ABLIM2: variants seen among roughly 807,000 people sequenced by gnomAD.
ABLIM2 encodes the protein actin binding LIM protein family member 2.
A neutral mutation model predicts 97.7 loss-of-function variants in ABLIM2; 53 were observed. The observed-to-expected ratio is 0.54, with a 90% confidence interval of 0.44 to 0.68. The LOEUF is 0.68. ABLIM2 is among the 30% of genes least tolerant of loss of function. ABLIM2 has a pLI of 0.00. For synonymous variants in ABLIM2, 361 were observed against 345.8 expected (o/e 1.04, Z -0.49); for missense variants, 835 against 867.2 (o/e 0.96, Z 0.47).
chr4:8,025,643 G>A (rs76647829), intron 12 of ABLIM2, among the ~76,000 whole-genome samples: 4 of 152,330 alleles, frequency 2.6e-5, no homozygotes, highest in Admixed American at 2.6e-4. Flanking sequence ...GGGCAGAGGA[G>A]GGGAGGGTCG....
chr4:8,158,246 G>T (rs1386074823), intron 1 of ABLIM2, among the ~76,000 whole-genome samples: 1 of 152,202 alleles, frequency 6.6e-6, no homozygotes, highest in Non-Finnish European at 1.5e-5. Flanking sequence ...CCAGAGCGGC[G>T]CAAGGGCGGC....
intron 12 of ABLIM2, among the ~76,000 whole-genome samples, chr4:8,025,075 G>GCC (rs1349473814): frequency 1.3e-5 from 2 of 152,144 alleles, no homozygotes; most frequent in African/African-American, 4.8e-5. Context: ...GACCACAGGT[G>GCC]CGCCACCACA....
chr4:7,974,410 T>TCTATCCACCCACCCAC (rs1731112402), intron 20 of ABLIM2, among the ~76,000 whole-genome samples: 1 of 125,396 alleles, frequency 8.0e-6, no homozygotes, highest in Admixed American at 7.7e-5. Context: ...CACCCATCCA[T>TCTATCCACCCACCCAC]CCACCAATCC....
In ABLIM2 at chr4:8,082,548, A is replaced by G. The variant is rs1441446269; in HGVS notation, c.455-1746T>C. 6.6e-6 allele frequency among the ~76,000 whole-genome samples: 1 copy of G among 152,246 alleles called. No individual in the cohort carries two copies. Among genetic ancestry groups the G allele is most frequent in the Non-Finnish European group, 1.5e-5 (1 of 68,048 alleles). On this transcript the variant is annotated intron_variant, in intron 4 of 20. Coordinates refer to ENST00000447017, the MANE Select transcript of ABLIM2 (RefSeq NM_001130083.2). The surrounding 1 kb of genome is among the most constrained non-coding windows in gnomAD (Gnocchi z 5.6). Reference sequence around the variant, plus strand: ...GACCTGAGTCATATTGTTTTTAACAATTAAAACAAACGAACACTCACAAAG... The same window carrying G: ...GACCTGAGTCATATTGTTTTTAACAGTTAAAACAAACGAACACTCACAAAG...
At chr4:8,038,763 G>A (rs1025126494) in intron 9 of ABLIM2, among the ~76,000 whole-genome samples, 2 of 152,140 alleles carry the variant, frequency 1.3e-5, no homozygotes, top group African/African-American at 4.8e-5. Flanking sequence ...ATCCAATCCC[G>A]AGCCAGCCAT....
intron 6 of ABLIM2, chr4:8,066,400 A>G (rs1352324986): frequency 8.8e-5 from 12 of 137,122 alleles, no homozygotes; most frequent in South Asian, 8.2e-4. Flanking sequence ...GAAGGAAGGA[A>G]GGAAGGAAGG....
At chr4:8,131,642 GCCCGCATCCCCAGCACAGCAT>G (rs1418014070) in intron 1 of ABLIM2, among the ~76,000 whole-genome samples, 17 of 148,604 alleles carry the variant, frequency 1.1e-4, no homozygotes, top group African/African-American at 3.1e-4. Flanking sequence ...GAGCACAGCA[GCCCGCATCCCCAGCACAGCAT>G]CCCGCATCCC....
At chr4:8,020,631 GA>G (rs1447450634) in intron 12 of ABLIM2, 2 of 375,340 alleles carry the variant, frequency 5.3e-6, no homozygotes, top group African/African-American at 2.1e-5. Flanking sequence ...GCTGGTGTTT[GA>G]ATCCAACCAA....
chr4:7,985,361 G>A (rs1267403032), intron 17 of ABLIM2, among the ~76,000 whole-genome samples: 2 of 152,172 alleles, frequency 1.3e-5, no homozygotes, highest in African/African-American at 4.8e-5. Flanking sequence ...AGAACCTGCT[G>A]TCCCAGGTGC....
In ABLIM2 at chr4:8,154,682, C is replaced by T. The variant is rs151112659; in HGVS notation, c.10+3998G>A. On this transcript the variant is annotated intron_variant, in intron 1 of 20. Transcript: ENST00000447017. The stretch of plus-strand genomic sequence containing the variant: ...AGTAACTTCATATACATCTTCCCCA[C>T]CGCCCAATTAGAATGTAAGTTCAAG... Among the ~76,000 whole-genome samples the T allele has an allele frequency of 3.0e-3, 450 of 152,334 alleles. 2 individuals are homozygous for T. The highest frequency in any genetic ancestry group is 0.01 in the African/African-American group (431 of 41,576).
At chr4:8,070,993 G>A (rs1811622905) in intron 6 of ABLIM2, among the ~76,000 whole-genome samples, 1 of 152,164 alleles carries the variant, frequency 6.6e-6, no homozygotes, top group Non-Finnish European at 1.5e-5. Flanking sequence ...CTCTTCAGGA[G>A]GTGTTGACAG....
At position 8,061,148 on chromosome 4, in the gene ABLIM2, C is replaced by T. The variant is rs1189503671; in HGVS notation, c.676-94G>A. Reference sequence around the variant, plus strand: ...GCATGGATACAGCATGCCCTGAGCACAGGTACTCAGGGGATACTGGAAGGG... The same window carrying T: ...GCATGGATACAGCATGCCCTGAGCATAGGTACTCAGGGGATACTGGAAGGG... On this transcript the variant is annotated intron_variant, in intron 6 of 20. Transcript: ENST00000447017. This position sits in a 1 kb window ranked among gnomAD's most constrained non-coding sequence, Gnocchi z 4.5. 2 of 1,001,184 alleles carry T rather than the reference C, an allele frequency of 2.0e-6. No individual in the cohort carries two copies. Among genetic ancestry groups the T allele is most frequent in the South Asian group, 2.8e-5 (2 of 70,246 alleles). 62.0% of individuals were successfully genotyped at this position (1,001,184 alleles called of 1,614,324 possible).
chr4:8,109,536 A>C (rs1031860993), intron 1 of ABLIM2, among the ~76,000 whole-genome samples: 4 of 152,192 alleles, frequency 2.6e-5, no homozygotes, highest in African/African-American at 9.7e-5. Context: ...AAGCGTTCCC[A>C]GAACCCCACA....
intron 2 of ABLIM2, 73 bp from the exon 3 acceptor site, chr4:8,097,355 C>A: frequency 1.3e-6 from 2 of 1,497,728 alleles, no homozygotes; most frequent in Non-Finnish European, 1.8e-6. Context: ...CCGAGGTGCA[C>A]CCCCCTCCAC....
chr4:8,080,625 G>C, intron 5 of ABLIM2, 51 bp downstream of exon 5: 1 of 1,525,294 alleles, frequency 6.6e-7, no homozygotes, highest in South Asian at 1.3e-5. Flanking sequence ...GACCCCCACA[G>C]AGTAGGGAAG....
At chr4:8,024,273 C>T (rs1490909372) in intron 12 of ABLIM2, among the ~76,000 whole-genome samples, 2 of 152,180 alleles carry the variant, frequency 1.3e-5, no homozygotes, top group Admixed American at 1.3e-4. Flanking sequence ...ACTTCCTGCC[C>T]CCGCTGTCGG....
intron 14 of ABLIM2, among the ~76,000 whole-genome samples, chr4:8,014,015 T>C (rs959770174): frequency 1.3e-5 from 2 of 152,098 alleles, no homozygotes; most frequent in African/African-American, 4.8e-5. Context: ...CCAGCAGAGG[T>C]GTGGGGGCTG....
At position 8,132,351 on chromosome 4, in the gene ABLIM2, C is replaced by T. The variant is rs1676876680; in HGVS notation, c.11-25714G>A. On this transcript the variant is annotated intron_variant, in intron 1 of 20. Transcript: ENST00000447017. The surrounding 1 kb of genome is among the most constrained non-coding windows in gnomAD (Gnocchi z 8.0). ...AAGCTGAGAAGTAATGAGATCAGGC[C>T]CTGACACATGGGACAGGTGAGAGAG... Among the ~76,000 whole-genome samples the T allele has an allele frequency of 6.6e-6, 1 of 152,140 alleles. No homozygotes were observed. Among genetic ancestry groups the T allele is most frequent in the Admixed American group, 6.5e-5 (1 of 15,278 alleles).
intron 14 of ABLIM2, among the ~76,000 whole-genome samples, chr4:8,011,453 G>A (rs891049569): frequency 6.6e-6 from 1 of 152,228 alleles, no homozygotes; most frequent in African/African-American, 2.4e-5. Flanking sequence ...GATTATTGGT[G>A]GCTTGCTTCC....
Sources: gnomAD v4.1 joint callset for allele counts (sites outside exome capture counted in the v4.1 genomes callset) on GRCh38, gnomAD v4.1.1 for gene constraint, Gnocchi (gnomAD v3.1) non-coding constraint, MANE v1.5 for transcripts, NCBI Gene and HGNC (gene_info 2026-07-23, HGNC 2026-07-21) for gene names.